XKR9: variants seen among roughly 807,000 people sequenced by gnomAD.
XKR9 encodes XK-related protein 9.
In XKR9, 32 loss-of-function variants were observed where a neutral mutation model predicts 32.0. That is an observed-to-expected ratio of 1.00 (90% CI 0.76 to 1.34). XKR9 has a LOEUF of 1.34. XKR9 is among the 40% of genes most tolerant of loss of function. The probability of loss-of-function intolerance (pLI) is 0.00; values close to 1 mark genes in which losing one functional copy is unlikely to be tolerated. For missense variants in XKR9, 546 were observed against 429.7 expected (o/e 1.27, Z -2.39); for synonymous variants, 168 against 143.4 (o/e 1.17, Z -1.22).
At chr8:70,919,739 A>G in the XKR9 span, among the ~76,000 whole-genome samples, 4 of 152,120 alleles carry the variant, frequency 2.6e-5, no homozygotes, top group East Asian at 1.9e-4. Flanking sequence ...TGCCTGCTCC[A>G]TGAGGGTCAG....
chr8:70,800,796 G>T, the XKR9 span, among the ~76,000 whole-genome samples: 1 of 152,072 alleles, frequency 6.6e-6, no homozygotes, highest in African/African-American at 2.4e-5. Flanking sequence ...AGGTTCTGGG[G>T]TTTTTTGGTT....
chr8:70,978,837 C>A, the XKR9 span, among the ~76,000 whole-genome samples: 1 of 152,178 alleles, frequency 6.6e-6, no homozygotes, highest in Non-Finnish European at 1.5e-5. Context: ...TGTTTTCCAG[C>A]TTGGTTCCAT....
chr8:70,719,539 A>C (rs1806205428), intron 4 of XKR9, among the ~76,000 whole-genome samples: 1 of 152,186 alleles, frequency 6.6e-6, no homozygotes, highest in Non-Finnish European at 1.5e-5. Context: ...CCAGTTTCCC[A>C]ACACCATTTA....
intron 2 of XKR9, among the ~76,000 whole-genome samples, chr8:70,741,843 A>G (rs879495467): frequency 1.3e-5 from 2 of 152,156 alleles, no homozygotes; most frequent in African/African-American, 4.8e-5. Context: ...TCTTGATCAT[A>G]TGGTGGTTAT....
chr8:71,057,149 T>C, the XKR9 span, among the ~76,000 whole-genome samples: 1 of 152,196 alleles, frequency 6.6e-6, no homozygotes, highest in Non-Finnish European at 1.5e-5. Flanking sequence ...GCCTGTACTC[T>C]TGGCTGGTAT....
At chr8:70,811,076 T>C in the XKR9 span, among the ~76,000 whole-genome samples, 2 of 152,054 alleles carry the variant, frequency 1.3e-5, no homozygotes, top group Non-Finnish European at 2.9e-5. Flanking sequence ...AGAACAGAAA[T>C]TATAACAAAC....
chr8:70,895,821 C>CAAA, the XKR9 span, among the ~76,000 whole-genome samples: 19 of 63,784 alleles, frequency 3.0e-4, no homozygotes, highest in Non-Finnish European at 4.0e-4. Context: ...CCTACCTCTA[C>CAAA]AAAAAAAAAA....
At chr8:70,956,666 G>T in the XKR9 span, among the ~76,000 whole-genome samples, 1 of 152,100 alleles carries the variant, frequency 6.6e-6, no homozygotes, top group Non-Finnish European at 1.5e-5. Flanking sequence ...CCCCCCTCCC[G>T]TGCCTGTTGG....
the XKR9 span, among the ~76,000 whole-genome samples, chr8:70,997,212 G>A: frequency 0.022 from 3,339 of 152,028 alleles, 132 homozygotes; most frequent in African/African-American, 0.076. Flanking sequence ...CAGGAGAATC[G>A]CTTGAACCCG....
the XKR9 span, among the ~76,000 whole-genome samples, chr8:70,841,173 C>T: frequency 1.3e-4 from 20 of 152,078 alleles, no homozygotes; most frequent in East Asian, 2.3e-3. Flanking sequence ...ACAATCATAA[C>T]ACTATTTTAA....
chr8:70,760,338 C>G (rs1807290797), intron 2 of XKR9, among the ~76,000 whole-genome samples: 1 of 152,080 alleles, frequency 6.6e-6, no homozygotes, highest in Non-Finnish European at 1.5e-5. Context: ...AACTGATTAG[C>G]ATTGGTTTCT....
intron 2 of XKR9, among the ~76,000 whole-genome samples, chr8:70,770,027 T>G (rs1807432857): frequency 6.6e-6 from 1 of 152,106 alleles, no homozygotes; most frequent in African/African-American, 2.4e-5. Flanking sequence ...GCATTCTGGT[T>G]TTTGGAATTT....
chr8:70,724,608 G>A lies in XKR9; in HGVS notation c.494-9188G>A, dbSNP rs76013922. ...TGGGCCTGATAGCACAGTCCCTCAC[G>A]GCTTCCCTTGGCTAGGGGAGGGAGG... On this transcript the variant is annotated intron_variant, in intron 4 of 4. Coordinates refer to ENST00000408926, the MANE Select transcript of XKR9 (RefSeq NM_001011720.2). 2.8e-4 allele frequency among the ~76,000 whole-genome samples: 43 copies of A among 152,172 alleles called. No individual in the cohort carries two copies. The East Asian group carries it at 6.6e-3, about 23-fold the overall frequency.
Position 70,734,242 on chromosome 8 carries a change from A to T in XKR9, c.940A>T (p.Asn314Tyr). Residue 314 changes from asparagine (N) to tyrosine (Y), a missense_variant, in exon 5 of 5, where the codon AAT becomes TAT. Physicochemically the swap from Asn to Tyr is moderately radical, Grantham distance 143. Coordinates refer to ENST00000408926, the MANE Select transcript of XKR9 (RefSeq NM_001011720.2). ...CTGGGTTTGCCCCCTCACTATTTTTAATCCAGACTATTTTATACCTATCAG... is the reference window on the plus strand; with the variant it reads ...CTGGGTTTGCCCCCTCACTATTTTTTATCCAGACTATTTTATACCTATCAG... ...VFWVCPLTIF[N>Y]PDYFIPISIT... The T allele has an allele frequency of 6.2e-7, 1 of 1,613,016 alleles. No homozygotes were observed. The highest frequency in any genetic ancestry group is 8.5e-7 in the Non-Finnish European group (1 of 1,179,414).
the XKR9 span, among the ~76,000 whole-genome samples, chr8:71,053,016 G>T: frequency 0.07 from 10,627 of 152,296 alleles, 481 homozygotes; most frequent in Non-Finnish European, 0.092. Flanking sequence ...GATAAATCAT[G>T]TGGGAGGGGT....
chr8:70,717,193 G>A (rs1302299825), intron 4 of XKR9, among the ~76,000 whole-genome samples: 1 of 152,182 alleles, frequency 6.6e-6, no homozygotes, highest in Non-Finnish European at 1.5e-5. Context: ...CAGGTGCACT[G>A]TGCAAGCTGT....
chr8:70,776,947 CTA>C (rs1554556847), intron 2 of XKR9, among the ~76,000 whole-genome samples: 9 of 54,214 alleles, frequency 1.7e-4, no homozygotes, highest in African/African-American at 4.0e-4. Flanking sequence ...CTCTCTCTCT[CTA>C]TATATATATA....
At chr8:70,892,034 T>G in the XKR9 span, among the ~76,000 whole-genome samples, 1 of 152,104 alleles carries the variant, frequency 6.6e-6, no homozygotes, top group Admixed American at 6.6e-5. Flanking sequence ...TTTTCACAAT[T>G]TTCCACTTAA....
chr8:70,903,354 G>C, the XKR9 span, among the ~76,000 whole-genome samples: 1 of 151,868 alleles, frequency 6.6e-6, no homozygotes, highest in Non-Finnish European at 1.5e-5. Context: ...CAACTTCCTG[G>C]TTTAGTCTTG....
Sources: gnomAD v4.1 joint callset for allele counts (sites outside exome capture counted in the v4.1 genomes callset) on GRCh38, gnomAD v4.1.1 for gene constraint, MANE v1.5 for transcripts, NCBI Gene and HGNC (gene_info 2026-07-23, HGNC 2026-07-21) for gene names.